CABIN1: variants seen among roughly 807,000 people sequenced by gnomAD.
CABIN1 encodes calcineurin binding protein 1.
A neutral mutation model predicts 227.7 loss-of-function variants in CABIN1; 133 were observed. That is an observed-to-expected ratio of 0.58 (90% CI 0.51 to 0.67). CABIN1 has a LOEUF of 0.67. CABIN1 is among the 30% of genes least tolerant of loss of function. CABIN1 has a pLI of 0.00. For missense variants in CABIN1, 2,408 were observed against 2,852.5 expected (o/e 0.84, Z 3.55); for synonymous variants, 1,086 against 1,155.1 (o/e 0.94, Z 1.21).
rs116856967 is a variant in CABIN1, at chr22:24,121,611, C to T, written c.4632+1913C>T. 1.3e-4 allele frequency among the ~76,000 whole-genome samples: 20 copies of T among 152,358 alleles called. No homozygotes were observed. In the East Asian group the frequency reaches 3.9e-3, roughly 29 times the overall value. On this transcript the variant is annotated intron_variant, in intron 28 of 36. Coordinates refer to ENST00000263119, the MANE Select transcript of CABIN1 (RefSeq NM_012295.4). ...CTTAATAAACCCCAACCAGCATGTC[C>T]TCACTGCTGAAGCCGTCTTTGGGCC...
At chr22:24,066,370 T>G (rs1348532695) in intron 15 of CABIN1, among the ~76,000 whole-genome samples, 1 of 152,236 alleles carries the variant, frequency 6.6e-6, no homozygotes, top group African/African-American at 2.4e-5. Flanking sequence ...AGACCAGTAT[T>G]GGGCTGGCCA....
chr22:24,127,561 C>G (rs1014810948), intron 28 of CABIN1, among the ~76,000 whole-genome samples: 1 of 152,174 alleles, frequency 6.6e-6, no homozygotes, highest in East Asian at 1.9e-4. Context: ...GGACATAATA[C>G]TAAGTGAAAT....
chr22:24,133,838 C>T (rs1282667487), intron 28 of CABIN1, among the ~76,000 whole-genome samples: 1 of 152,212 alleles, frequency 6.6e-6, no homozygotes, highest in East Asian at 1.9e-4. Context: ...GCTCTTTGCC[C>T]AGAGATCACT....
At chr22:24,101,482 C>T (rs2042196917) in intron 26 of CABIN1, among the ~76,000 whole-genome samples, 1 of 152,210 alleles carries the variant, frequency 6.6e-6, no homozygotes, top group South Asian at 2.1e-4. Flanking sequence ...GTCACTCTGA[C>T]TCTACCGCAG....
intron 32 of CABIN1, 148 bp from the exon 33 acceptor site, chr22:24,168,299 A>G (rs2046575653): frequency 2.7e-6 from 2 of 737,138 alleles, no homozygotes; most frequent in East Asian, 5.4e-5. Context: ...ACGGCTGGCT[A>G]TTCAGCAGAG....
rs1321540849 is a variant in CABIN1, at chr22:24,070,821, G to T, written c.2254G>T (p.Asp752Tyr). Residue 752 changes from aspartate (D) to tyrosine (Y), a missense_variant, in exon 17 of 37, where the codon GAC (aspartate) becomes TAC (tyrosine). Transcript: ENST00000263119. ...LLQDSLLRLK[D>Y]YRQCFECSDV... ...CTAGGACTCCTTGCTCCGGCTGAAG[G>T]ACTATCGGCAGTGTTTTGAGTGTTC... is the stretch of plus-strand genomic sequence containing the variant. 1 of 1,614,216 alleles carries T rather than the reference G, an allele frequency of 6.2e-7. No homozygotes were observed. Among genetic ancestry groups the T allele is most frequent in the Non-Finnish European group, 8.5e-7 (1 of 1,180,046 alleles).
chr22:24,040,388 T>C (rs953143660), intron 4 of CABIN1, among the ~76,000 whole-genome samples: 1 of 152,180 alleles, frequency 6.6e-6, no homozygotes, highest in Non-Finnish European at 1.5e-5. Flanking sequence ...TGAAGAGCAA[T>C]GTGTGGAAGC....
chr22:24,160,662 CCA>C (rs1316537374), intron 29 of CABIN1, among the ~76,000 whole-genome samples: 1 of 152,258 alleles, frequency 6.6e-6, no homozygotes, highest in African/African-American at 2.4e-5. Flanking sequence ...TCCCCTGAGA[CCA>C]CAGTGTGCTG....
intron 33 of CABIN1, among the ~76,000 whole-genome samples, chr22:24,170,846 C>T (rs906693425): frequency 1.3e-5 from 2 of 151,460 alleles, no homozygotes; most frequent in Admixed American, 1.3e-4. Context: ...CTGTCAGCCT[C>T]ATGTGGGCCA....
chr22:24,163,649 A>C (rs1019131764), intron 29 of CABIN1, among the ~76,000 whole-genome samples: 6 of 152,070 alleles, frequency 3.9e-5, no homozygotes, highest in African/African-American at 1.4e-4. Context: ...CTGTTTCCTC[A>C]TCACTCACTC....
Position 24,054,909 on chromosome 22 carries a change from C to T in CABIN1, c.843C>T (p.Tyr281=). Reference sequence around the variant, plus strand: ...TCGGAGAGAGCTTGCTGGCCATGTACAATCATCTCACCACCTGTGAGCCCC... The same window carrying T: ...TCGGAGAGAGCTTGCTGGCCATGTATAATCATCTCACCACCTGTGAGCCCC... The part of the protein sequence containing the change: ...KCLGESLLAM[Y]NHLTTCEPPR... Residue 281 remains tyrosine (Y), a synonymous_variant, in exon 9 of 37, where the codon TAC becomes TAT. Transcript: ENST00000263119. 1.9e-6 allele frequency: 3 copies of T among 1,614,208 alleles called. No individual in the cohort carries two copies. Among genetic ancestry groups the T allele is most frequent in the South Asian group, 2.2e-5 (2 of 91,084 alleles).
intron 29 of CABIN1, among the ~76,000 whole-genome samples, chr22:24,154,629 T>C (rs1312345824): frequency 1.3e-5 from 2 of 152,206 alleles, no homozygotes; most frequent in Non-Finnish European, 2.9e-5. Flanking sequence ...CCTTCTTCTG[T>C]GTCCCCAGCA....
Position 24,035,430 on chromosome 22 carries a change from T to G in CABIN1, c.-74-14T>G. ...TCATAGGCCTTGTCTCAGTTTGTCC[T>G]ATTTCCTTTCTAGGAGAGTTGTGGA... is the stretch of plus-strand genomic sequence containing the variant. On this transcript the variant is annotated splice_polypyrimidine_tract_variant and intron_variant, in intron 1 of 36. Transcript: ENST00000263119. 6.4e-7 allele frequency: 1 copy of G among 1,569,874 alleles called. No homozygotes were observed. The highest frequency in any genetic ancestry group is 1.7e-5 in the Admixed American group (1 of 59,978).
intron 26 of CABIN1, among the ~76,000 whole-genome samples, chr22:24,109,556 A>G (rs2042698308): frequency 6.6e-6 from 1 of 152,100 alleles, no homozygotes; most frequent in Non-Finnish European, 1.5e-5. Context: ...CAGGCAGCTC[A>G]TGCCTACCCT....
rs201798951 is a variant in CABIN1 at position 24,087,560 on chromosome 22, C to T, written c.3372C>T (p.Pro1124=). The T allele has an allele frequency of 1.7e-5, 27 of 1,614,082 alleles. No homozygotes were observed. Among genetic ancestry groups the T allele is most frequent in the Non-Finnish European group, 2.2e-5 (26 of 1,180,048 alleles). The change falls in exon 23 of 37, where the codon CCC becomes CCT. Residue 1124 remains proline, a synonymous_variant. Coordinates refer to ENST00000263119, the MANE Select transcript of CABIN1 (RefSeq NM_012295.4). ...SDGPIWKHAT[P]VLNCFRRALE... is the part of the protein sequence containing the mutation. ...GGCCCATTTGGAAGCATGCCACGCC[C>T]GTCTTGAACTGCTTCCGTCGGGCCC...
chr22:24,098,328 C>A, intron 26 of CABIN1, 136 bp downstream of exon 26: 2 of 1,529,922 alleles, frequency 1.3e-6, no homozygotes, highest in Non-Finnish European at 1.8e-6. Flanking sequence ...AATGTTGCGG[C>A]TGCTCATTAA....
chr22:24,089,106 G>C (rs1435828047), intron 23 of CABIN1, among the ~76,000 whole-genome samples: 1 of 152,228 alleles, frequency 6.6e-6, no homozygotes, highest in Non-Finnish European at 1.5e-5. Context: ...AGTGGGCTGA[G>C]CTGATCATGG....
intron 33 of CABIN1, 65 bp from the exon 34 acceptor site, chr22:24,171,648 G>A (rs937751728): frequency 4.4e-5 from 70 of 1,593,460 alleles, no homozygotes; most frequent in African/African-American, 1.5e-4. Flanking sequence ...GTCGGCTGGC[G>A]GGCAGAGCAG....
At chr22:24,050,765 AT>A in intron 7 of CABIN1, 59 bp from the exon 8 acceptor site, 1 of 1,605,490 alleles carries the variant, frequency 6.2e-7, no homozygotes, top group South Asian at 1.1e-5. Context: ...TGTGTGTAAA[AT>A]TTCAGCCTCA....
Sources: allele counts gnomAD v4.1 joint callset (sites outside exome capture counted in the v4.1 genomes callset), GRCh38; gene constraint gnomAD v4.1.1; transcripts MANE v1.5; gene names NCBI Gene and HGNC (gene_info 2026-07-23, HGNC 2026-07-21).